Variants in SHCBP1 observed in about 807,000 individuals in gnomAD.
SHCBP1 encodes the protein SHC SH2 domain-binding protein 1.
Under a neutral mutation model 75.1 loss-of-function variants are expected in SHCBP1, and 60 were observed. The observed-to-expected ratio is 0.80, with a 90% CI of 0.65 to 0.99. The LOEUF is 0.99. Among genes scored for constraint, SHCBP1 ranks in the 50% least tolerant of loss-of-function variants. The pLI is 0.00. For synonymous variants in SHCBP1, 290 were observed against 293.2 expected, an observed-to-expected ratio of 0.99 and a Z score of 0.11; for missense variants, 709 against 809.4, an observed-to-expected ratio of 0.88 and a Z score of 1.50.
chr16:46,603,952 G>C, intron 7 of SHCBP1, 23 bp downstream of exon 7: 1 of 1,593,366 alleles, frequency 6.3e-7, no homozygotes, highest in Non-Finnish European at 8.5e-7. Flanking sequence ...AAAGCCACCT[G>C]GAGTGAGAAA....
intron 9 of SHCBP1, among the ~76,000 whole-genome samples, chr16:46,596,074 C>A (rs1965135190): frequency 6.6e-6 from 1 of 151,776 alleles, no homozygotes; most frequent in Admixed American, 6.6e-5. Flanking sequence ...AGAAAACAGA[C>A]CACAACACTG....
At chr16:46,610,984 A>T (rs955443990) in intron 4 of SHCBP1, among the ~76,000 whole-genome samples, 24 of 152,228 alleles carry the variant, frequency 1.6e-4, no homozygotes, top group African/African-American at 5.5e-4. Context: ...GTCAAGAAGC[A>T]GGAAGAGCAG....
rs769369400 is a variant in SHCBP1 at position 46,581,732 on chromosome 16, G to A, written c.2016C>T (p.Phe672=). The part of the protein sequence containing the change: ...NGKGSFGTFL[F] ...CTATCTACTTACATCACTGTAGTCA[G>A]AAAAGAAATGTGCCAAAACTACCTT... Residue 672 remains phenylalanine, a synonymous_variant, in exon 13 of 13, where the codon TTC becomes TTT. Transcript: ENST00000303383. 10 of 1,612,152 alleles carry A rather than the reference G, an allele frequency of 6.2e-6. No individual in the cohort carries two copies. The highest frequency in any genetic ancestry group is 8.5e-6 in the Non-Finnish European group (10 of 1,178,644).
chr16:46,611,850 C>T (rs1965421091), intron 4 of SHCBP1, among the ~76,000 whole-genome samples: 1 of 152,196 alleles, frequency 6.6e-6, no homozygotes, highest in South Asian at 2.1e-4. Flanking sequence ...AGTTCTCTTT[C>T]CCTAATGGTT....
chr16:46,608,192 AGTGAGTGTGGGT>A, intron 5 of SHCBP1, 93 bp downstream of exon 5: 1 of 674,922 alleles, frequency 1.5e-6, no homozygotes. Context: ...AGAGTGAGTG[AGTGAGTGTGGGT>A]GTGTGTGTGT....
chr16:46,616,303 C>G lies in SHCBP1; in HGVS notation c.388-149G>C, dbSNP rs1341220091. 2 of 706,280 alleles carry G rather than the reference C, an allele frequency of 2.8e-6. No homozygotes were observed. The highest frequency in any genetic ancestry group is 4.8e-6 in the Non-Finnish European group (2 of 417,632). 43.8% of individuals were successfully genotyped at this position (706,280 alleles called of 1,614,324 possible). ...TATAAAGGATGAACAAGACAGGCTGCCTCTTACCCTCATGGAGCTTACACT... is the reference window on the plus strand; with the variant it reads ...TATAAAGGATGAACAAGACAGGCTGGCTCTTACCCTCATGGAGCTTACACT... On this transcript the variant is annotated intron_variant, in intron 3 of 12. Transcript: ENST00000303383. This position sits in a 1 kb window ranked among gnomAD's most constrained non-coding sequence, Gnocchi z 4.4.
intron 1 of SHCBP1, among the ~76,000 whole-genome samples, chr16:46,619,430 A>C (rs996955728): frequency 1.3e-5 from 2 of 151,688 alleles, no homozygotes; most frequent in Admixed American, 6.6e-5. Context: ...TACTTGACCC[A>C]CAGATGACCA....
At position 46,581,734 on chromosome 16, in the gene SHCBP1, A is replaced by G; in HGVS notation, c.2014T>C (p.Phe672Leu). 1.2e-6 allele frequency: 2 copies of G among 1,612,492 alleles called. No homozygotes were observed. Among genetic ancestry groups the G allele is most frequent in the Non-Finnish European group, 1.7e-6 (2 of 1,178,842 alleles). The change falls in exon 13 of 13, where the codon TTC becomes CTC. Residue 672 changes from phenylalanine (F) to leucine (L), a missense_variant. By Grantham distance (22) the Phe-to-Leu change is conservative. Coordinates refer to ENST00000303383, the MANE Select transcript of SHCBP1 (RefSeq NM_024745.5). ...NGKGSFGTFL[F>L] ...ATCTACTTACATCACTGTAGTCAGA[A>G]AAGAAATGTGCCAAAACTACCTTTC...
intron 12 of SHCBP1, among the ~76,000 whole-genome samples, chr16:46,582,649 C>A (rs1964891025): frequency 6.6e-6 from 1 of 152,166 alleles, no homozygotes; most frequent in African/African-American, 2.4e-5. Flanking sequence ...AGACTTCAGA[C>A]CCATGAGCTA....
chr16:46,613,958 C>T (rs963729263), intron 4 of SHCBP1, among the ~76,000 whole-genome samples: 17 of 152,196 alleles, frequency 1.1e-4, no homozygotes, highest in African/African-American at 3.9e-4. Context: ...ATAATACTAC[C>T]AAATAACATT....
chr16:46,583,762 T>A, intron 11 of SHCBP1, 105 bp from the exon 12 acceptor site: 2 of 1,354,268 alleles, frequency 1.5e-6, no homozygotes, highest in East Asian at 2.4e-5. Flanking sequence ...GAAAAAGCTA[T>A]GTTTAGTCCC....
intron 5 of SHCBP1, among the ~76,000 whole-genome samples, chr16:46,607,545 A>AGGGGAAAAAAATCATCTTTCAAACGG (rs1017569241): frequency 1.3e-5 from 2 of 152,332 alleles, no homozygotes; most frequent in East Asian, 1.9e-4. Flanking sequence ...TCTTTCACAC[A>AGGGGAAAAAAATCATCTTTCAAACGG]GGGGAAAAAA....
At chr16:46,603,927 G>C in intron 7 of SHCBP1, 48 bp downstream of exon 7, 1 of 1,560,844 alleles carries the variant, frequency 6.4e-7, no homozygotes, top group Non-Finnish European at 8.6e-7. Flanking sequence ...AACCTGTGGT[G>C]AATCAGAAGG....
At position 46,583,676 on chromosome 16, in the gene SHCBP1, A is replaced by G. The variant is rs1330315841; in HGVS notation, c.1552-19T>C. 6.3e-6 allele frequency: 10 copies of G among 1,594,106 alleles called. No individual in the cohort carries two copies. The highest frequency in any genetic ancestry group is 8.5e-6 in the Non-Finnish European group (10 of 1,175,564). ...AGAAGTCCTGTGACATTGAAAACAA[A>G]TGTTTTAGGAACTGTCATATTCAAC... On this transcript the variant is annotated intron_variant, in intron 11 of 12. Transcript: ENST00000303383.
chr16:46,619,621 A>G (rs1389230689), intron 1 of SHCBP1, among the ~76,000 whole-genome samples: 1 of 152,242 alleles, frequency 6.6e-6, no homozygotes, highest in East Asian at 1.9e-4. Context: ...CCTATTACAT[A>G]ATGTATATGT....
At chr16:46,612,859 G>A (rs1462312015) in intron 4 of SHCBP1, among the ~76,000 whole-genome samples, 1 of 152,084 alleles carries the variant, frequency 6.6e-6, no homozygotes, top group African/African-American at 2.4e-5. Context: ...AGTCAGCCTT[G>A]ACTTCTCTCA....
At chr16:46,583,442 C>A in intron 12 of SHCBP1, 74 bp downstream of exon 12, 1 of 1,467,894 alleles carries the variant, frequency 6.8e-7, no homozygotes, top group Non-Finnish European at 9.1e-7. Flanking sequence ...GAGAGGAAGA[C>A]TCAGATCCTT....
chr16:46,590,577 C>T (rs1965029035), intron 10 of SHCBP1, among the ~76,000 whole-genome samples: 1 of 152,224 alleles, frequency 6.6e-6, no homozygotes, highest in Non-Finnish European at 1.5e-5. Flanking sequence ...TGCTCGCCAT[C>T]ACCGGCCATC....
At position 46,617,684 on chromosome 16, in the gene SHCBP1, A is replaced by G; in HGVS notation, c.337T>C (p.Ser113Pro). ...AEFLEKVLEP[S>P]GWRAVWHTNV... Reference sequence around the variant, plus strand: ...GTGTGCCAGACTGCCCGCCATCCAGATGGCTCAAGGACCTTCTCCAAGAAC... The same window carrying G: ...GTGTGCCAGACTGCCCGCCATCCAGGTGGCTCAAGGACCTTCTCCAAGAAC... Residue 113 changes from serine to proline, a missense_variant, in exon 3 of 13, where the codon TCT becomes CCT. Physicochemically the swap from Ser to Pro is moderately conservative, Grantham distance 74 (BLOSUM62 -1). Transcript: ENST00000303383. The G allele has an allele frequency of 6.2e-7, 1 of 1,613,646 alleles. No individual in the cohort carries two copies. The highest frequency in any genetic ancestry group is 8.5e-7 in the Non-Finnish European group (1 of 1,180,018).
Sources: allele counts gnomAD v4.1 joint callset (sites outside exome capture counted in the v4.1 genomes callset), GRCh38; gene constraint gnomAD v4.1.1; non-coding constraint Gnocchi (gnomAD v3.1); transcripts MANE v1.5; gene names NCBI Gene and HGNC (gene_info 2026-07-23, HGNC 2026-07-21).